The following FER variants were observed in gnomAD, a reference collection of about 807,000 sequenced individuals.
The protein encoded by FER is FER tyrosine kinase.
FER carries 63 observed loss-of-function variants against 111.0 expected under a neutral mutation model. That is an observed-to-expected ratio of 0.57 (90% CI 0.46 to 0.70). The LOEUF is 0.70. Ranked by LOEUF, FER falls within the 30% of genes least tolerant of loss-of-function variation. The pLI is 0.00. For synonymous variants in FER, 327 were observed against 313.9 expected (o/e 1.04, Z -0.44); for missense variants, 914 against 954.0 (o/e 0.96, Z 0.55).
intron 5 of FER, among the ~76,000 whole-genome samples, chr5:108,864,645 G>A (rs573415411): frequency 6.6e-6 from 1 of 152,076 alleles, no homozygotes; most frequent in African/African-American, 2.4e-5. Flanking sequence ...TTTTGTCAGG[G>A]TTGTCAAAGA....
At chr5:108,845,566 T>G (rs1462085603) in intron 5 of FER, among the ~76,000 whole-genome samples, 1 of 152,116 alleles carries the variant, frequency 6.6e-6, no homozygotes, top group African/African-American at 2.4e-5. Flanking sequence ...GTTTTACTTT[T>G]ACCTTTTCAA....
At chr5:108,806,116 C>A (rs1757178366) in intron 3 of FER, among the ~76,000 whole-genome samples, 1 of 152,172 alleles carries the variant, frequency 6.6e-6, no homozygotes, top group Non-Finnish European at 1.5e-5. Flanking sequence ...TGCATCCTAG[C>A]CGCTCCAGCC....
chr5:109,126,555 T>A (rs777433219), intron 17 of FER, among the ~76,000 whole-genome samples: 1 of 152,188 alleles, frequency 6.6e-6, no homozygotes, highest in African/African-American at 2.4e-5. Flanking sequence ...AGGGATTGAT[T>A]AATGAATAAT....
intron 3 of FER, among the ~76,000 whole-genome samples, chr5:108,821,233 C>T (rs1017631071): frequency 6.6e-6 from 1 of 152,198 alleles, no homozygotes; most frequent in African/African-American, 2.4e-5. Context: ...TCACCTTCCT[C>T]TGATTTATCA....
At chr5:109,092,643 C>T (rs975521585) in intron 16 of FER, among the ~76,000 whole-genome samples, 3 of 152,050 alleles carry the variant, frequency 2.0e-5, no homozygotes, top group Non-Finnish European at 2.9e-5. Flanking sequence ...AAACAGAATC[C>T]TGTGCATTGC....
chr5:109,005,924 C>T (rs1177862027), intron 13 of FER, among the ~76,000 whole-genome samples: 2 of 152,102 alleles, frequency 1.3e-5, no homozygotes, highest in Admixed American at 6.6e-5. Flanking sequence ...AATTTGTATT[C>T]GCTTGGAGAC....
intron 3 of FER, among the ~76,000 whole-genome samples, chr5:108,806,935 A>G (rs1396686713): frequency 2.6e-5 from 4 of 152,122 alleles, no homozygotes; most frequent in South Asian, 4.1e-4. Context: ...ATGTGAGGAC[A>G]TGAGATTTGG....
At chr5:109,113,811 A>G (rs1749915625) in intron 17 of FER, among the ~76,000 whole-genome samples, 1 of 152,166 alleles carries the variant, frequency 6.6e-6, no homozygotes, top group African/African-American at 2.4e-5. Context: ...ATGCTTACTC[A>G]TGGATAATGA....
chr5:108,918,538 G>A (rs546777994), intron 10 of FER, among the ~76,000 whole-genome samples: 2 of 150,778 alleles, frequency 1.3e-5, no homozygotes, highest in Admixed American at 6.6e-5. Context: ...CCAGGCTGGA[G>A]TGCAGTGGTG....
intron 9 of FER, among the ~76,000 whole-genome samples, chr5:108,890,323 C>T (rs1018621167): frequency 6.6e-6 from 1 of 152,052 alleles, no homozygotes; most frequent in Middle Eastern, 3.2e-3. Flanking sequence ...TAATAAAATA[C>T]TGCACAGTGG....
At position 109,191,201 on chromosome 5, in the gene FER, C is replaced by G. The variant is rs1396628195; in HGVS notation, c.*3626C>G. The stretch of plus-strand genomic sequence containing the variant: ...AATTATAATGTAACAATACAAATAT[C>G]TGAATCATAAGTCACAGTTTTTCAG... On this transcript the variant is annotated 3_prime_UTR_variant, in exon 20 of 20. Coordinates refer to ENST00000281092, the MANE Select transcript of FER (RefSeq NM_005246.4). The G allele has an allele frequency of 6.6e-6, 1 of 152,120 alleles. No individual in the cohort carries two copies. The highest frequency in any genetic ancestry group is 1.5e-5 in the Non-Finnish European group (1 of 68,012). 9.4% of individuals were successfully genotyped at this position (152,120 alleles called of 1,614,324 possible).
intron 10 of FER, among the ~76,000 whole-genome samples, chr5:108,940,990 C>T (rs1012147854): frequency 6.6e-6 from 1 of 152,038 alleles, no homozygotes; most frequent in Non-Finnish European, 1.5e-5. Flanking sequence ...GGTATTAGAG[C>T]TGAAAGTTGT....
chr5:109,023,945 A>C (rs1467915705), intron 13 of FER, among the ~76,000 whole-genome samples: 4 of 152,170 alleles, frequency 2.6e-5, no homozygotes, highest in Non-Finnish European at 5.9e-5. Context: ...TTTATTAAGC[A>C]CTTATTATAT....
chr5:109,176,782 G>A (rs535741716), intron 17 of FER, among the ~76,000 whole-genome samples: 1 of 152,272 alleles, frequency 6.6e-6, no homozygotes. Context: ...GGGGAAAGAA[G>A]TAATGGAACC....
intron 9 of FER, among the ~76,000 whole-genome samples, chr5:108,887,724 A>G (rs1368700552): frequency 6.6e-6 from 1 of 151,774 alleles, no homozygotes; most frequent in Non-Finnish European, 1.5e-5. Flanking sequence ...AGTCTAGTAT[A>G]TATACCTTCA....
intron 10 of FER, among the ~76,000 whole-genome samples, chr5:108,899,368 G>T (rs1310807085): frequency 6.6e-6 from 1 of 152,020 alleles, no homozygotes; most frequent in Non-Finnish European, 1.5e-5. Flanking sequence ...TAAGTATCTG[G>T]CATATGTGTT....
intron 10 of FER, among the ~76,000 whole-genome samples, chr5:108,917,062 T>C (rs1752363758): frequency 6.6e-6 from 1 of 152,132 alleles, no homozygotes; most frequent in African/African-American, 2.4e-5. Context: ...AATCAGAAAA[T>C]TTCATTGCCA....
chr5:108,871,823 G>A (rs1037969268), intron 7 of FER, among the ~76,000 whole-genome samples: 1 of 151,286 alleles, frequency 6.6e-6, no homozygotes, highest in Non-Finnish European at 1.5e-5. Flanking sequence ...ACTTTATGAT[G>A]CGCCAAATAC....
chr5:108,860,107 A>G (rs1462130671), intron 5 of FER, among the ~76,000 whole-genome samples: 1 of 151,570 alleles, frequency 6.6e-6, no homozygotes, highest in Non-Finnish European at 1.5e-5. Context: ...ACGCCCAGCT[A>G]ATTTTTGTAT....
Sources: allele counts gnomAD v4.1 joint callset (sites outside exome capture counted in the v4.1 genomes callset), GRCh38; gene constraint gnomAD v4.1.1; transcripts MANE v1.5; gene names NCBI Gene and HGNC (gene_info 2026-07-23, HGNC 2026-07-21).